HS6ST3: variants seen among roughly 807,000 people sequenced by gnomAD.
The protein encoded by HS6ST3 is heparan-sulfate 6-O-sulfotransferase 3.
Under a neutral mutation model 36.7 loss-of-function variants are expected in HS6ST3, and 12 were observed. That is an observed-to-expected ratio of 0.33 (90% CI 0.21 to 0.53). The LOEUF (loss-of-function observed/expected upper bound fraction) is 0.53. HS6ST3 is among the 20% of genes least tolerant of loss of function. The pLI, the probability that HS6ST3 is intolerant of heterozygous loss-of-function variation, is 0.95. For missense variants in HS6ST3, 584 were observed against 640.9 expected, an observed-to-expected ratio of 0.91 and a Z score of 0.96; for synonymous variants, 240 against 257.5, an observed-to-expected ratio of 0.93 and a Z score of 0.65.
chr13:96,723,223 C>T (rs1318708126), intron 1 of HS6ST3, among the ~76,000 whole-genome samples: 2 of 152,078 alleles, frequency 1.3e-5, no homozygotes, highest in African/African-American at 4.8e-5. Context: ...AGCAGAAGTT[C>T]TGGGTGACAC....
chr13:96,549,764 T>C (rs561398364), intron 1 of HS6ST3, among the ~76,000 whole-genome samples: 1 of 152,290 alleles, frequency 6.6e-6, no homozygotes, highest in East Asian at 1.9e-4. Context: ...GTCTTTGAGC[T>C]TGCCATATTT....
intron 1 of HS6ST3, among the ~76,000 whole-genome samples, chr13:96,718,203 G>T (rs1875751146): frequency 6.6e-6 from 1 of 152,146 alleles, no homozygotes; most frequent in Non-Finnish European, 1.5e-5. Flanking sequence ...AATTAATTTT[G>T]TTTATGTCTA....
chr13:96,560,218 T>C (rs535607939), intron 1 of HS6ST3, among the ~76,000 whole-genome samples: 1 of 152,240 alleles, frequency 6.6e-6, no homozygotes, highest in Non-Finnish European at 1.5e-5. Flanking sequence ...TTGTGCTTAT[T>C]AGTGGCCATG....
At chr13:96,437,705 G>T (rs1257450413) in intron 1 of HS6ST3, among the ~76,000 whole-genome samples, 1 of 152,308 alleles carries the variant, frequency 6.6e-6, no homozygotes, top group East Asian at 1.9e-4. Context: ...TCAGATTGAG[G>T]CATTGCCTTT....
At chr13:96,650,486 T>C (rs759475449) in intron 1 of HS6ST3, among the ~76,000 whole-genome samples, 1 of 152,078 alleles carries the variant, frequency 6.6e-6, no homozygotes, top group Non-Finnish European at 1.5e-5. Context: ...AGGTACATTC[T>C]GAACGAATGA....
intron 1 of HS6ST3, among the ~76,000 whole-genome samples, chr13:96,539,601 C>A (rs184034271): frequency 3.4e-4 from 52 of 152,148 alleles, no homozygotes; most frequent in African/African-American, 1.2e-3. Flanking sequence ...ATGATCCACC[C>A]GCCTCAGCCT....
intron 1 of HS6ST3, among the ~76,000 whole-genome samples, chr13:96,262,126 T>C (rs778864865): frequency 6.6e-6 from 1 of 152,166 alleles, no homozygotes; most frequent in Non-Finnish European, 1.5e-5. Flanking sequence ...AAAAGTAAGA[T>C]ATCAACATCA....
intron 1 of HS6ST3, among the ~76,000 whole-genome samples, chr13:96,527,992 C>T (rs9584373): frequency 0.014 from 2,103 of 152,262 alleles, 44 homozygotes; most frequent in African/African-American, 0.049. Context: ...CCTATATTCT[C>T]ATTGCCATTC....
At chr13:96,105,245 A>G (rs142381139) in intron 1 of HS6ST3, among the ~76,000 whole-genome samples, 21 of 152,178 alleles carry the variant, frequency 1.4e-4, no homozygotes, top group South Asian at 4.1e-4. Context: ...TCCAAGTCAC[A>G]TGGTTCTAAG....
chr13:96,413,436 T>C (rs955713621), intron 1 of HS6ST3, among the ~76,000 whole-genome samples: 1 of 152,186 alleles, frequency 6.6e-6, no homozygotes, highest in African/African-American at 2.4e-5. Flanking sequence ...AGTAAACATA[T>C]GGTCAGAAAA....
At chr13:96,594,046 C>T (rs965314345) in intron 1 of HS6ST3, among the ~76,000 whole-genome samples, 2 of 151,788 alleles carry the variant, frequency 1.3e-5, no homozygotes, top group South Asian at 2.1e-4. Flanking sequence ...GATCTCAGCT[C>T]ACCACAACCT....
At chr13:96,625,864 G>A (rs2056510406) in intron 1 of HS6ST3, among the ~76,000 whole-genome samples, 1 of 150,164 alleles carries the variant, frequency 6.7e-6, no homozygotes, top group African/African-American at 2.5e-5. Flanking sequence ...TATTCGAGAC[G>A]GAGTCTTGCT....
intron 1 of HS6ST3, among the ~76,000 whole-genome samples, chr13:96,353,699 A>G (rs1424671197): frequency 1.3e-5 from 2 of 152,192 alleles, no homozygotes; most frequent in Non-Finnish European, 2.9e-5. Flanking sequence ...ATATACCTTT[A>G]CTTATGCAAC....
intron 1 of HS6ST3, among the ~76,000 whole-genome samples, chr13:96,723,758 C>G (rs1230477154): frequency 6.6e-6 from 1 of 152,164 alleles, no homozygotes; most frequent in Admixed American, 6.5e-5. Flanking sequence ...TTGGTTTAAC[C>G]AGCAGTTTGT....
intron 1 of HS6ST3, among the ~76,000 whole-genome samples, chr13:96,756,877 A>G (rs1231973302): frequency 2.0e-5 from 3 of 152,200 alleles, no homozygotes; most frequent in African/African-American, 7.2e-5. Flanking sequence ...TTCGTTTTCT[A>G]TGCTGCATAA....
intron 1 of HS6ST3, among the ~76,000 whole-genome samples, chr13:96,478,709 T>C (rs2055875923): frequency 1.5e-5 from 2 of 136,474 alleles, no homozygotes; most frequent in Non-Finnish European, 3.4e-5. Flanking sequence ...TGTTCACAAC[T>C]CTAATTTTTA....
intron 1 of HS6ST3, among the ~76,000 whole-genome samples, chr13:96,119,270 A>T (rs933997981): frequency 2.0e-5 from 3 of 152,160 alleles, no homozygotes; most frequent in Admixed American, 6.5e-5. Context: ...AATTAATTTA[A>T]TGCAGAGTAT....
At chr13:96,689,816 T>G (rs1874899516) in intron 1 of HS6ST3, among the ~76,000 whole-genome samples, 1 of 152,122 alleles carries the variant, frequency 6.6e-6, no homozygotes, top group South Asian at 2.1e-4. Flanking sequence ...CTTCGGAGGA[T>G]GTGGGCTGCA....
chr13:96,128,617 G>A lies in HS6ST3; in HGVS notation c.707+37048G>A, dbSNP rs182483932. ...TTTACTGGAGATTTGGGGCTCATGC[G>A]GGAATTGCATTTGATATCTGCAGTC... On this transcript the variant is annotated intron_variant, in intron 1 of 1. Transcript: ENST00000376705. 4.6e-5 allele frequency among the ~76,000 whole-genome samples: 7 copies of A among 152,196 alleles called. No homozygotes were observed. The East Asian group carries it at 7.7e-4, about 17-fold the overall frequency.
Sources: allele counts gnomAD v4.1 joint callset (sites outside exome capture counted in the v4.1 genomes callset), GRCh38; gene constraint gnomAD v4.1.1; transcripts MANE v1.5; gene names NCBI Gene and HGNC (gene_info 2026-07-23, HGNC 2026-07-21).